The following PLCB4 variants were observed in gnomAD, a reference collection of about 807,000 sequenced individuals.
The protein encoded by PLCB4 is 1-phosphatidylinositol 4,5-bisphosphate phosphodiesterase beta-4.
In PLCB4, 77 loss-of-function variants were observed where a neutral mutation model predicts 178.8. The observed-to-expected ratio is 0.43, with a 90% CI of 0.36 to 0.52. PLCB4 has a LOEUF of 0.52. PLCB4 is among the 20% of genes least tolerant of loss of function. PLCB4 has a pLI of 0.00. For synonymous variants in PLCB4, 496 were observed against 490.8 expected (o/e 1.01, Z -0.14); for missense variants, 1,024 against 1,453.4 (o/e 0.70, Z 4.80).
chr20:9,451,621 G>T (rs530144642), intron 32 of PLCB4, among the ~76,000 whole-genome samples: 1 of 152,298 alleles, frequency 6.6e-6, no homozygotes, highest in East Asian at 1.9e-4. Context: ...TCCTGGGGCA[G>T]TAGATCAAGC....
chr20:9,410,540 T>C (rs912061033), intron 24 of PLCB4, among the ~76,000 whole-genome samples: 2 of 152,194 alleles, frequency 1.3e-5, no homozygotes, highest in Admixed American at 1.3e-4. Flanking sequence ...TCAAAAGCCA[T>C]GTGCTGCCAG....
chr20:9,454,522 A>G (rs2042948398), intron 33 of PLCB4, among the ~76,000 whole-genome samples: 1 of 152,204 alleles, frequency 6.6e-6, no homozygotes, highest in Non-Finnish European at 1.5e-5. Flanking sequence ...GGCACAAGAG[A>G]AAAGGAGAAT....
chr20:9,094,640 A>G (rs1009796107), intron 1 of PLCB4, among the ~76,000 whole-genome samples: 4 of 152,184 alleles, frequency 2.6e-5, no homozygotes, highest in Non-Finnish European at 5.9e-5. Context: ...CGTTTCATCC[A>G]TTACTCCTCC....
chr20:9,292,506 C>T (rs1289369074), intron 3 of PLCB4, among the ~76,000 whole-genome samples: 4 of 152,094 alleles, frequency 2.6e-5, no homozygotes, highest in Non-Finnish European at 5.9e-5. Flanking sequence ...GACCTAGGTG[C>T]CAATCTGAAC....
At chr20:9,345,662 G>GA (rs2033723637) in intron 7 of PLCB4, among the ~76,000 whole-genome samples, 1 of 152,160 alleles carries the variant, frequency 6.6e-6, no homozygotes, top group Non-Finnish European at 1.5e-5. Flanking sequence ...ATTGAGTTTA[G>GA]ACCAGACTGC....
rs147328502 is a variant in PLCB4, at chr20:9,281,077, C to T, written c.-15-26723C>T. Among the ~76,000 whole-genome samples, 389 of 151,896 alleles carry T rather than the reference C, an allele frequency of 2.6e-3. 1 individual carries two copies. Among genetic ancestry groups the T allele is most frequent in the African/African-American group, 9.2e-3 (380 of 41,484 alleles). On this transcript the variant is annotated intron_variant, in intron 3 of 39. Coordinates refer to ENST00000378473, the MANE Select transcript of PLCB4 (RefSeq NM_001377142.1). ...TAGGAACTTCACTTTTTCAAAGAAT[C>T]GTTCTATTAAATTTTTGAGAGAGAG...
Position 9,320,184 on chromosome 20 carries a change from G to A in PLCB4, c.84+12286G>A, listed in dbSNP as rs577065236. Reference sequence around the variant, plus strand: ...TATTTCTTGATCATATGCTAAACAAGTGGTGGATTATTCATGAGTTTTCCA... The same window carrying A: ...TATTTCTTGATCATATGCTAAACAAATGGTGGATTATTCATGAGTTTTCCA... On this transcript the variant is annotated intron_variant, in intron 4 of 39. Coordinates refer to ENST00000378473, the MANE Select transcript of PLCB4 (RefSeq NM_001377142.1). Among the ~76,000 whole-genome samples the A allele has an allele frequency of 2.6e-5, 4 of 152,340 alleles. No individual in the cohort carries two copies. The South Asian group carries it at 8.3e-4, about 32-fold the overall frequency.
At chr20:9,152,261 A>G (rs920124756) in intron 2 of PLCB4, among the ~76,000 whole-genome samples, 3 of 152,198 alleles carry the variant, frequency 2.0e-5, no homozygotes, top group Non-Finnish European at 4.4e-5. Context: ...CAAGGAGCCT[A>G]ATGTTAATCC....
At chr20:9,216,966 G>C (rs181824233) in intron 2 of PLCB4, among the ~76,000 whole-genome samples, 12 of 152,228 alleles carry the variant, frequency 7.9e-5, no homozygotes, top group African/African-American at 2.9e-4. Flanking sequence ...CATAAAAAAA[G>C]ACTCTCTTTG....
intron 2 of PLCB4, among the ~76,000 whole-genome samples, chr20:9,161,579 A>C (rs1019799957): frequency 6.6e-6 from 1 of 152,260 alleles, no homozygotes; most frequent in Non-Finnish European, 1.5e-5. Context: ...GCTTGCAGCC[A>C]TTGCCAGTGC....
intron 2 of PLCB4, among the ~76,000 whole-genome samples, chr20:9,199,752 T>A (rs2093518530): frequency 6.6e-6 from 1 of 152,170 alleles, no homozygotes; most frequent in South Asian, 2.1e-4. Flanking sequence ...AAATGCCAGG[T>A]CTCCCAGATT....
Position 9,422,939 on chromosome 20 carries a change from A to G in PLCB4, c.2320-809A>G, listed in dbSNP as rs551647373. Among the ~76,000 whole-genome samples, 16 of 152,338 alleles carry G rather than the reference A, an allele frequency of 1.1e-4. No homozygotes were observed. In the East Asian group the frequency reaches 2.5e-3, roughly 24 times the overall value. On this transcript the variant is annotated intron_variant, in intron 27 of 39. Coordinates refer to ENST00000378473, the MANE Select transcript of PLCB4 (RefSeq NM_001377142.1). ...TCCATTGTCTAGCTTTAAACATAGC[A>G]CTCAGATCAAGCAAGATGTCCTGGT...
chr20:9,301,470 G>T (rs1337946821), intron 3 of PLCB4, among the ~76,000 whole-genome samples: 1 of 152,034 alleles, frequency 6.6e-6, no homozygotes, highest in Admixed American at 6.6e-5. Flanking sequence ...AGTTGATCCA[G>T]CACATCTGAG....
intron 16 of PLCB4, among the ~76,000 whole-genome samples, chr20:9,390,303 A>G (rs1418789422): frequency 6.6e-6 from 1 of 152,200 alleles, no homozygotes. Flanking sequence ...ATGAACTTGA[A>G]AGACATTTTT....
chr20:9,219,198 G>A (rs373101002), intron 3 of PLCB4, among the ~76,000 whole-genome samples: 66 of 152,302 alleles, frequency 4.3e-4, no homozygotes, highest in African/African-American at 1.4e-3. Context: ...GGCTGGGCGC[G>A]GTGGCTCACG....
intron 38 of PLCB4, among the ~76,000 whole-genome samples, chr20:9,474,214 CAAA>C (rs138592969): frequency 3.3e-5 from 4 of 120,578 alleles, no homozygotes; most frequent in Admixed American, 8.6e-5. Flanking sequence ...GACTCCATCT[CAAA>C]AAAAAAAAAA....
In PLCB4 at chr20:9,071,699, A is replaced by T. The variant is rs1600210719; in HGVS notation, c.-135+2493A>T. On this transcript the variant is annotated intron_variant, in intron 1 of 39. Coordinates refer to ENST00000378473, the MANE Select transcript of PLCB4 (RefSeq NM_001377142.1). ...TTTTGAAATCTTGAGAGTAAATTTTATCTTTTCGGATTAGAGCACTTAGGT... is the reference window on the plus strand; with the variant it reads ...TTTTGAAATCTTGAGAGTAAATTTTTTCTTTTCGGATTAGAGCACTTAGGT... Among the ~76,000 whole-genome samples the T allele has an allele frequency of 1.3e-5, 2 of 152,330 alleles. 1 individual carries two copies. The highest frequency in any genetic ancestry group is 4.8e-5 in the African/African-American group (2 of 41,582).
intron 25 of PLCB4, among the ~76,000 whole-genome samples, chr20:9,419,422 G>A (rs527407290): frequency 6.6e-5 from 10 of 152,166 alleles, no homozygotes; most frequent in Non-Finnish European, 1.2e-4. Context: ...ATAATTTAAT[G>A]CATTATTACA....
intron 13 of PLCB4, among the ~76,000 whole-genome samples, chr20:9,382,625 GGGT>G (rs2148360363): frequency 6.6e-6 from 1 of 152,252 alleles, no homozygotes; most frequent in African/African-American, 2.4e-5. Context: ...GGTGTTTCCT[GGGT>G]GTGCACGTGG....
Sources: allele counts gnomAD v4.1 joint callset (sites outside exome capture counted in the v4.1 genomes callset), GRCh38; gene constraint gnomAD v4.1.1; transcripts MANE v1.5; gene names NCBI Gene and HGNC (gene_info 2026-07-23, HGNC 2026-07-21).